MYH7B: variants seen among roughly 807,000 people sequenced by gnomAD.
The protein encoded by MYH7B is myosin heavy chain 7B, also known as myosin-7B.
Under a neutral mutation model 234.5 loss-of-function variants are expected in MYH7B, and 205 were observed. The observed-to-expected ratio is 0.87, with a 90% CI of 0.78 to 0.98. MYH7B has a LOEUF of 0.98. Ranked by LOEUF, MYH7B falls within the 50% of genes least tolerant of loss-of-function variation. MYH7B has a pLI of 0.00. For synonymous variants in MYH7B, 1,193 were observed against 1,105.0 expected (o/e 1.08, Z -1.58); for missense variants, 2,652 against 2,633.4 (o/e 1.01, Z -0.15).
chr20:34,981,712 C>T (rs55738930), intron 9 of MYH7B: 12,401 of 151,742 alleles, frequency 0.082, 577 homozygotes, highest in South Asian at 0.13. Flanking sequence ...ATTAGCTGGG[C>T]GTGGTGGCAG....
chr20:34,970,404 T>C (rs989476626), intron 2 of MYH7B, among the ~76,000 whole-genome samples: 1 of 152,318 alleles, frequency 6.6e-6, no homozygotes, highest in East Asian at 1.9e-4. Flanking sequence ...CCACTAGTCC[T>C]GTAGTCACAC....
intron 23 of MYH7B, 31 bp downstream of exon 23, chr20:34,990,856 C>CG (rs1380904355): frequency 1.5e-5 from 24 of 1,611,364 alleles, no homozygotes; most frequent in Non-Finnish European, 2.0e-5. Context: ...TGGCTGGGGC[C>CG]GGGAGGCATC....
At chr20:34,995,285 C>T in intron 27 of MYH7B, 51 bp from the exon 28 acceptor site, 1 of 1,578,236 alleles carries the variant, frequency 6.3e-7, no homozygotes, top group Non-Finnish European at 8.6e-7. Context: ...TGTCTCTCTG[C>T]TGGTTTACCT....
exon 33 of MYH7B, chr20:34,998,310 C>A: frequency 6.2e-7 from 1 of 1,613,978 alleles, no homozygotes; most frequent in Non-Finnish European, 8.5e-7. Context: ...TGCAGAGAAG[C>A]TGTGCCGGAC....
At chr20:34,995,717 G>A in intron 28 of MYH7B, 139 bp downstream of exon 28, 1 of 1,358,444 alleles carries the variant, frequency 7.4e-7, no homozygotes, top group Non-Finnish European at 9.8e-7. Context: ...CTGGGCCTCA[G>A]TTTCTTTATC....
intron 4 of MYH7B, 71 bp from the exon 5 acceptor site, chr20:34,977,863 G>A (rs971068570): frequency 2.4e-5 from 38 of 1,591,238 alleles, no homozygotes; most frequent in African/African-American, 2.1e-4. Context: ...AGAGGGAGTC[G>A]CCTAGTATCT....
intron 11 of MYH7B, 35 bp downstream of exon 11, chr20:34,984,750 G>A: frequency 6.2e-6 from 10 of 1,606,420 alleles, no homozygotes; most frequent in Non-Finnish European, 8.5e-6. Flanking sequence ...GGGCAGCCCT[G>A]GGGGTACCCC....
intron 14 of MYH7B, among the ~76,000 whole-genome samples, chr20:34,986,482 A>C (rs960660346): frequency 4.6e-5 from 7 of 152,222 alleles, no homozygotes; most frequent in African/African-American, 1.7e-4. Flanking sequence ...AGGCGGACTG[A>C]TGACTGTCTA....
chr20:34,979,552 C>T (rs1238579800), intron 6 of MYH7B, 56 bp downstream of exon 6: 2 of 1,596,194 alleles, frequency 1.3e-6, no homozygotes, highest in Admixed American at 3.4e-5. Context: ...TCCTGGCCAA[C>T]AGGATCTGCC....
At chr20:34,982,372 G>A (rs1249861481) in intron 9 of MYH7B, 87 bp from the exon 10 acceptor site, 24 of 1,124,294 alleles carry the variant, frequency 2.1e-5, no homozygotes, top group Non-Finnish European at 3.1e-5. Flanking sequence ...AGGAGAGGTG[G>A]AGGGCTCTGC....
rs536181071 is a variant in MYH7B, at chr20:34,992,278, C to T, written c.2184-824C>T. On this transcript the variant is annotated intron_variant, in intron 24 of 44. Coordinates refer to ENST00000262873, the Ensembl canonical transcript of MYH7B. ...GCGGGAGCCTGTAGTCCCAGCTACT[C>T]GGGAGGCTGAGGCAGGAGAATGGCC... Among the ~76,000 whole-genome samples, 41 of 150,178 alleles carry T rather than the reference C, an allele frequency of 2.7e-4. 1 individual carries two copies. Among genetic ancestry groups the T allele is most frequent in the Non-Finnish European group, 5.2e-4 (35 of 67,684 alleles).
chr20:34,966,517 T>C (rs7263251), intron 2 of MYH7B, among the ~76,000 whole-genome samples: 52,008 of 151,848 alleles, frequency 0.34, 9,845 homozygotes, highest in African/African-American at 0.5. Flanking sequence ...GCAACACCTT[T>C]TTATTGTTAG....
rs1044641408 is a variant in MYH7B at position 34,990,313 on chromosome 20, A to G, written c.1977+3A>G. The G allele has an allele frequency of 2.5e-6, 4 of 1,614,114 alleles. No individual in the cohort carries two copies. The highest frequency in any genetic ancestry group is 3.4e-6 in the Non-Finnish European group (4 of 1,180,008). On this transcript the variant is annotated splice_donor_region_variant and intron_variant, in intron 22 of 44. Coordinates refer to ENST00000262873, the Ensembl canonical transcript of MYH7B. ...AGACGGTGTCCCAGCTGCACAAGGT[A>G]AGGCCCCATCTGGGAGACAGACCCT...
exon 35 of MYH7B, chr20:34,998,726 G>A (rs767191695): frequency 1.2e-6 from 2 of 1,611,592 alleles, no homozygotes; most frequent in Admixed American, 1.7e-5. Flanking sequence ...CAGGCCAAGA[G>A]TGCCCTGGCC....
At chr20:34,994,854 A>T (rs985273199) in intron 27 of MYH7B, among the ~76,000 whole-genome samples, 1 of 152,262 alleles carries the variant, frequency 6.6e-6, no homozygotes, top group Non-Finnish European at 1.5e-5. Context: ...AGGCTAGTGC[A>T]GGAGGAACGT....
chr20:34,997,067 A>G lies in MYH7B; in HGVS notation c.3267-16A>G. 1 of 1,542,860 alleles carries G rather than the reference A, an allele frequency of 6.5e-7. No homozygotes were observed. Among genetic ancestry groups the G allele is most frequent in the South Asian group, 1.2e-5 (1 of 83,752 alleles). On this transcript the variant is annotated splice_polypyrimidine_tract_variant and intron_variant, in intron 30 of 44. Transcript: ENST00000262873. ...GAGTTAAGGCCTGTGCTGGCCACCCACTCTGTGGCTCCCAGGAAGGACTCC... is the reference window on the plus strand; with the variant it reads ...GAGTTAAGGCCTGTGCTGGCCACCCGCTCTGTGGCTCCCAGGAAGGACTCC...
chr20:34,984,782 G>A, intron 11 of MYH7B, 67 bp downstream of exon 11: 1 of 1,598,340 alleles, frequency 6.3e-7, no homozygotes, highest in Non-Finnish European at 8.6e-7. Flanking sequence ...CAACAGAGGG[G>A]CCACGGGTGG....
exon 45 of MYH7B, chr20:35,002,333 CT>C: frequency 3.4e-6 from 3 of 879,018 alleles, no homozygotes; most frequent in Non-Finnish European, 4.9e-6. Context: ...AGCCAGTTTC[CT>C]TCTCATTCTT....
rs758158271 is a variant in MYH7B, at chr20:34,990,811, A to G, written c.2051A>G (p.Glu684Gly). The G allele has an allele frequency of 1.9e-6, 3 of 1,614,114 alleles. No individual in the cohort carries two copies. The African/African-American group carries it at 4.0e-5, about 22-fold the overall frequency. The change falls in exon 23 of 45, where the codon GAG becomes GGG. Residue 684 changes from glutamate (E) to glycine (G), a missense_variant. Glu to Gly is a moderately conservative substitution (Grantham distance 98). Transcript: ENST00000262873. ...TTCGTCCGCTGCATTGTCCCCAACGAGAACAAAACCCCAGGTAGTCACCCA... is the reference window on the plus strand; with the variant it reads ...TTCGTCCGCTGCATTGTCCCCAACGGGAACAAAACCCCAGGTAGTCACCCA...
Sources: gnomAD v4.1 joint callset for allele counts (sites outside exome capture counted in the v4.1 genomes callset) on GRCh38, gnomAD v4.1.1 for gene constraint, MANE v1.5 for transcripts, NCBI Gene and HGNC (gene_info 2026-07-23, HGNC 2026-07-21) for gene names.